BCAS3: variants seen among roughly 807,000 people sequenced by gnomAD.
The protein encoded by BCAS3 is BCAS4/BCAS3 fusion.
BCAS3 carries 53 observed loss-of-function variants against 116.1 expected under a neutral mutation model. That is an observed-to-expected ratio of 0.46 (90% CI 0.37 to 0.57). The LOEUF (loss-of-function observed/expected upper bound fraction) is 0.57, where lower values mean the gene tolerates loss of function less well. Ranked by LOEUF, BCAS3 falls within the 20% of genes least tolerant of loss-of-function variation. The probability of loss-of-function intolerance (pLI) is 0.00; values close to 1 mark genes in which losing one functional copy is unlikely to be tolerated. For missense variants in BCAS3, 917 were observed against 1,165.4 expected, an observed-to-expected ratio of 0.79 and a Z score of 3.10; for synonymous variants, 391 against 408.2, an observed-to-expected ratio of 0.96 and a Z score of 0.51.
intron 6 of BCAS3, among the ~76,000 whole-genome samples, chr17:60,754,420 G>A (rs941386976): frequency 9.2e-5 from 14 of 151,908 alleles, no homozygotes; most frequent in African/African-American, 2.7e-4. Context: ...TGGCGTGGTC[G>A]GAGATGGGGT....
rs2076370680 is a variant in BCAS3 at position 61,132,059 on chromosome 17, A to G, written c.2425+47495A>G. 6.6e-6 allele frequency among the ~76,000 whole-genome samples: 1 copy of G among 152,192 alleles called. No individual in the cohort carries two copies. Among genetic ancestry groups the G allele is most frequent in the Non-Finnish European group, 1.5e-5 (1 of 68,036 alleles). ...CTCCTTATAGCCACTCTGTCCCCAA[A>G]GAAGTTTTTAATGCTTTGACCTATA... On this transcript the variant is annotated intron_variant, in intron 22 of 23. Transcript: ENST00000407086. The surrounding 1 kb of genome is among the most constrained non-coding windows in gnomAD (Gnocchi z 5.1).
intron 12 of BCAS3, among the ~76,000 whole-genome samples, chr17:60,914,328 G>C (rs1157176278): frequency 6.6e-6 from 1 of 152,126 alleles, no homozygotes; most frequent in East Asian, 1.9e-4. Flanking sequence ...GTTTATATTT[G>C]TGAAGTCCAT....
intron 15 of BCAS3, among the ~76,000 whole-genome samples, chr17:61,001,039 ATCTTGGATTCACT>A (rs1568084688): frequency 1.3e-5 from 2 of 152,120 alleles, no homozygotes; most frequent in Non-Finnish European, 2.9e-5. Context: ...TAACAAACAG[ATCTTGGATTCACT>A]TCTGCAGTTC....
rs1473111904 is a variant in BCAS3 at position 61,097,674 on chromosome 17, CAGTT to C, written c.2425+13113_2425+13116del. 6.6e-6 allele frequency among the ~76,000 whole-genome samples: 1 copy of C among 152,166 alleles called. No homozygotes were observed. Among genetic ancestry groups the C allele is most frequent in the Admixed American group, 6.5e-5 (1 of 15,276 alleles). On this transcript the variant is annotated intron_variant, in intron 22 of 23. Transcript: ENST00000407086. This position sits in a 1 kb window ranked among gnomAD's most constrained non-coding sequence, Gnocchi z 4.0. ...TGGGAAACCAGTATTAATTTATAAACAGTTAGGTGCCCAACACTGTGCTAGGTCT... is the reference window on the plus strand; with the variant it reads ...TGGGAAACCAGTATTAATTTATAAACAGGTGCCCAACACTGTGCTAGGTCT...
At chr17:60,866,256 C>T (rs2054582549) in intron 7 of BCAS3, among the ~76,000 whole-genome samples, 1 of 151,854 alleles carries the variant, frequency 6.6e-6, no homozygotes, top group Admixed American at 6.6e-5. Flanking sequence ...TCCTGAGTAG[C>T]TGGGATTACA....
chr17:61,370,271 C>T (rs1603118444), intron 23 of BCAS3, among the ~76,000 whole-genome samples: 2 of 146,742 alleles, frequency 1.4e-5, no homozygotes, highest in East Asian at 2.0e-4. Flanking sequence ...AGGAGACTCC[C>T]TTTTTTTTTT....
At chr17:61,085,111 T>C (rs1435892395) in intron 22 of BCAS3, among the ~76,000 whole-genome samples, 2 of 152,190 alleles carry the variant, frequency 1.3e-5, no homozygotes, top group Non-Finnish European at 2.9e-5. Flanking sequence ...GAGAAGGAGA[T>C]CTTTGCCTTT....
chr17:61,212,544 A>G (rs78867385), intron 22 of BCAS3, among the ~76,000 whole-genome samples: 24,547 of 150,284 alleles, frequency 0.16, 2,125 homozygotes, highest in African/African-American at 0.22. Flanking sequence ...AATAAAGTGT[A>G]TATATATATA....
chr17:61,233,832 G>A lies in BCAS3; in HGVS notation c.2426-134495G>A, dbSNP rs1328179910. Among the ~76,000 whole-genome samples, 3 of 152,154 alleles carry A rather than the reference G, an allele frequency of 2.0e-5. No homozygotes were observed. Among genetic ancestry groups the A allele is most frequent in the Non-Finnish European group, 4.4e-5 (3 of 68,022 alleles). On this transcript the variant is annotated intron_variant, in intron 22 of 23. Coordinates refer to ENST00000407086, the MANE Select transcript of BCAS3 (RefSeq NM_017679.5). This position sits in a 1 kb window ranked among gnomAD's most constrained non-coding sequence, Gnocchi z 4.3. ...GAGGAGATGCTTTGGTTAATGGAGG[G>A]CACAGGGAGAATCTCTCTCTGGCTT... is the stretch of plus-strand genomic sequence containing the variant.
rs987335770 is a variant in BCAS3, at chr17:61,073,653, G to A, written c.2030-1267G>A. On this transcript the variant is annotated intron_variant, in intron 19 of 23. Coordinates refer to ENST00000407086, the MANE Select transcript of BCAS3 (RefSeq NM_017679.5). This position sits in a 1 kb window ranked among gnomAD's most constrained non-coding sequence, Gnocchi z 4.6. The stretch of plus-strand genomic sequence containing the variant: ...TGTATGTTGATGTGTATATATAAAT[G>A]TCTTTTGGTGGTAGAAATTATGAGG... Among the ~76,000 whole-genome samples the A allele has an allele frequency of 2.6e-5, 4 of 152,108 alleles. No homozygotes were observed. The highest frequency in any genetic ancestry group is 9.7e-5 in the African/African-American group (4 of 41,420).
At chr17:60,771,347 G>A (rs192866873) in intron 6 of BCAS3, among the ~76,000 whole-genome samples, 106 of 152,104 alleles carry the variant, frequency 7.0e-4, no homozygotes, top group Non-Finnish European at 4.7e-4. Flanking sequence ...CCGGTATGGA[G>A]ACCAATACGT....
intron 22 of BCAS3, among the ~76,000 whole-genome samples, chr17:61,223,460 C>A (rs959394290): frequency 3.9e-5 from 6 of 152,076 alleles, no homozygotes; most frequent in Non-Finnish European, 7.4e-5. Flanking sequence ...CGCCCAGCCA[C>A]AGAGCTGTTT....
intron 6 of BCAS3, among the ~76,000 whole-genome samples, chr17:60,774,088 C>G (rs1191087133): frequency 6.6e-6 from 1 of 152,102 alleles, no homozygotes; most frequent in Non-Finnish European, 1.5e-5. Flanking sequence ...TCTTTCCTTC[C>G]TCTGCATGGA....
chr17:61,349,645 G>C lies in BCAS3; in HGVS notation c.2426-18682G>C, dbSNP rs1186415189. Among the ~76,000 whole-genome samples, 1 of 152,184 alleles carries C rather than the reference G, an allele frequency of 6.6e-6. No individual in the cohort carries two copies. The highest frequency in any genetic ancestry group is 1.9e-4 in the East Asian group (1 of 5,198). On this transcript the variant is annotated intron_variant, in intron 22 of 23. Transcript: ENST00000407086. The surrounding 1 kb of genome is among the most constrained non-coding windows in gnomAD (Gnocchi z 4.7). Reference sequence around the variant, plus strand: ...TTTTAAAGCTAGCATATGTTTCAAAGCTGACTATTAAAGAAGTGTGGAAGA... The same window carrying C: ...TTTTAAAGCTAGCATATGTTTCAAACCTGACTATTAAAGAAGTGTGGAAGA...
chr17:60,774,478 T>C (rs768132003), intron 6 of BCAS3, among the ~76,000 whole-genome samples: 11 of 152,368 alleles, frequency 7.2e-5, no homozygotes, highest in Admixed American at 2.6e-4. Context: ...TCCTGCTTCT[T>C]TGCATGACTT....
intron 19 of BCAS3, among the ~76,000 whole-genome samples, chr17:61,044,277 C>T (rs1300170161): frequency 6.6e-6 from 1 of 151,394 alleles, no homozygotes; most frequent in Non-Finnish European, 1.5e-5. Flanking sequence ...GAAACACTGT[C>T]TCTACTAAAA....
chr17:61,033,146 G>A lies in BCAS3; in HGVS notation c.1638-1520G>A, dbSNP rs1434127502. On this transcript the variant is annotated intron_variant, in intron 16 of 23. Transcript: ENST00000407086. ...ATATAGAAAAGTTAGTATTTGCTGA[G>A]TACTGTGATATGGGAAAGTACTGCC... Among the ~76,000 whole-genome samples, 5 of 152,316 alleles carry A rather than the reference G, an allele frequency of 3.3e-5. No homozygotes were observed. In the East Asian group the frequency reaches 5.8e-4, roughly 18 times the overall value.
chr17:61,371,974 C>G (rs2059073288), intron 23 of BCAS3, among the ~76,000 whole-genome samples: 1 of 152,244 alleles, frequency 6.6e-6, no homozygotes, highest in Admixed American at 6.5e-5. Flanking sequence ...ATTTGCAAGT[C>G]CAGTTCTAAG....
In BCAS3 at chr17:61,028,749, A is replaced by G. The variant is rs1004855802; in HGVS notation, c.1638-5917A>G. 6.6e-6 allele frequency among the ~76,000 whole-genome samples: 1 copy of G among 151,934 alleles called. No individual in the cohort carries two copies. The highest frequency in any genetic ancestry group is 6.6e-5 in the Admixed American group (1 of 15,242). The stretch of plus-strand genomic sequence containing the variant: ...TTAAAGAAAGGGATATATTAAATAT[A>G]GTAGACTTTTAAATCATTGCCTGTC... On this transcript the variant is annotated intron_variant, in intron 16 of 23. Transcript: ENST00000407086. This position sits in a 1 kb window ranked among gnomAD's most constrained non-coding sequence, Gnocchi z 4.3.
Sources: allele counts gnomAD v4.1 joint callset (sites outside exome capture counted in the v4.1 genomes callset), GRCh38; gene constraint gnomAD v4.1.1; non-coding constraint Gnocchi (gnomAD v3.1); transcripts MANE v1.5; gene names NCBI Gene and HGNC (gene_info 2026-07-23, HGNC 2026-07-21).